TRIM37: variants seen among roughly 807,000 people sequenced by gnomAD.
TRIM37 encodes the protein tripartite motif containing 37.
Under a neutral mutation model 129.8 loss-of-function variants are expected in TRIM37, and 80 were observed. That is an observed-to-expected ratio of 0.62 (90% confidence interval 0.51 to 0.74). The LOEUF (loss-of-function observed/expected upper bound fraction) is 0.74, where lower values mean the gene tolerates loss of function less well. TRIM37 is among the 30% of genes least tolerant of loss of function. TRIM37 has a pLI of 0.00. For synonymous variants in TRIM37, 389 were observed against 387.1 expected (o/e 1.00, Z -0.06); for missense variants, 1,054 against 1,176.5 (o/e 0.90, Z 1.52).
chr17:58,972,355 CT>C, the TRIM37 span: 137,166 of 1,069,778 alleles, frequency 0.13, 141 homozygotes, highest in South Asian at 0.17. Flanking sequence ...GATTCACTTA[CT>C]TTTTTTTTTT....
At chr17:59,051,367 T>A in intron 13 of TRIM37, 39 bp from the exon 14 acceptor site, 1 of 1,391,710 alleles carries the variant, frequency 7.2e-7, no homozygotes, top group Non-Finnish European at 1.0e-6. Context: ...AAAATTCAAA[T>A]AGTAAAACAT....
At chr17:59,086,359 C>T (rs1339016877) in intron 4 of TRIM37, among the ~76,000 whole-genome samples, 1 of 151,986 alleles carries the variant, frequency 6.6e-6, no homozygotes, top group African/African-American at 2.4e-5. Flanking sequence ...CTGCCTCAGC[C>T]TCCCAAGTAG....
downstream of TRIM37, among the ~76,000 whole-genome samples, chr17:58,993,680 G>A (rs1026348307): frequency 6.6e-6 from 1 of 152,296 alleles, no homozygotes; most frequent in Non-Finnish European, 1.5e-5. Flanking sequence ...AATCTTGGGG[G>A]TGACTGAAAT....
chr17:59,002,869 C>T (rs971548576), intron 22 of TRIM37, among the ~76,000 whole-genome samples: 1 of 151,938 alleles, frequency 6.6e-6, no homozygotes, highest in Non-Finnish European at 1.5e-5. Flanking sequence ...AAAACTCCAC[C>T]CCCTGCATAA....
chr17:59,056,836 C>T lies in TRIM37; in HGVS notation c.1199+39G>A, dbSNP rs557368065. The T allele has an allele frequency of 1.9e-5, 29 of 1,504,962 alleles. No individual in the cohort carries two copies. In the East Asian group the frequency reaches 7.5e-4, roughly 39 times the overall value. The allele number at this position is 1,504,962 out of a possible 1,614,324, so 93.2% of individuals were successfully genotyped here. ...AATATAGTTCTGATGATATTATTTCCCCACAATAAAAACCACAACATCAAA... is the reference window on the plus strand; with the variant it reads ...AATATAGTTCTGATGATATTATTTCTCCACAATAAAAACCACAACATCAAA... On this transcript the variant is annotated intron_variant, in intron 13 of 23. Transcript: ENST00000262294.
intron 2 of TRIM37, among the ~76,000 whole-genome samples, chr17:59,098,527 C>T (rs1046805700): frequency 3.3e-5 from 5 of 151,760 alleles, no homozygotes; most frequent in African/African-American, 1.2e-4. Flanking sequence ...TAGCCAGGCA[C>T]GATGGCACAC....
intron 16 of TRIM37, among the ~76,000 whole-genome samples, chr17:59,042,641 T>C (rs1039607044): frequency 1.3e-5 from 2 of 150,636 alleles, no homozygotes; most frequent in African/African-American, 4.9e-5. Flanking sequence ...TGGGGACCTG[T>C]AATCCCAGCT....
intron 19 of TRIM37, among the ~76,000 whole-genome samples, chr17:59,018,884 T>C (rs538187925): frequency 1.3e-5 from 2 of 152,280 alleles, no homozygotes; most frequent in East Asian, 1.9e-4. Flanking sequence ...CATATACACA[T>C]ATATATCATC....
intron 24 of TRIM37, among the ~76,000 whole-genome samples, chr17:58,985,550 A>C (rs754588813): frequency 6.6e-6 from 1 of 152,192 alleles, no homozygotes; most frequent in Non-Finnish European, 1.5e-5. Context: ...TTTGAGTTTC[A>C]AGCTAGAAGA....
chr17:59,051,256 A>G lies in TRIM37; in HGVS notation c.1272T>C (p.Ala424=). Residue 424 remains alanine, a synonymous_variant, in exon 14 of 24, where the codon GCT becomes GCC. Transcript: ENST00000262294. ...TTTGTTGGATATAACTAGTCTGTGC[A>G]GCTTCCAACTGAGTAATGTACCAAT... The part of the protein sequence containing the change: ...DQHWYITQLE[A]AQTSYIQQIN... 1 of 1,613,944 alleles carries G rather than the reference A, an allele frequency of 6.2e-7. No homozygotes were observed. The highest frequency in any genetic ancestry group is 1.7e-4 in the Middle Eastern group (1 of 6,060).
At chr17:59,087,639 G>A (rs774803291) in intron 4 of TRIM37, among the ~76,000 whole-genome samples, 2 of 151,864 alleles carry the variant, frequency 1.3e-5, no homozygotes, top group Non-Finnish European at 2.9e-5. Flanking sequence ...TGAAGAAACA[G>A]ATAAATTTTT....
the TRIM37 span, among the ~76,000 whole-genome samples, chr17:58,967,263 A>G: frequency 1.3e-5 from 2 of 152,166 alleles, no homozygotes; most frequent in Non-Finnish European, 2.9e-5. Flanking sequence ...AGTCTTAGGC[A>G]TGTGTTTTGT....
chr17:59,066,690 T>C (rs984701021), intron 9 of TRIM37, among the ~76,000 whole-genome samples: 1 of 152,182 alleles, frequency 6.6e-6, no homozygotes, highest in African/African-American at 2.4e-5. Flanking sequence ...CTTTTACATA[T>C]GTACATTCTC....
At chr17:59,098,909 C>T (rs539549778) in intron 2 of TRIM37, among the ~76,000 whole-genome samples, 3 of 152,032 alleles carry the variant, frequency 2.0e-5, no homozygotes, top group East Asian at 1.9e-4. Context: ...ATAGGCTAGG[C>T]GCGGTGGCTC....
chr17:59,081,316 C>T (rs1388514939), intron 5 of TRIM37, 97 bp from the exon 6 acceptor site: 1 of 1,512,938 alleles, frequency 6.6e-7, no homozygotes. Flanking sequence ...ACTGGTAAAT[C>T]TCTCAAATGA....
intron 9 of TRIM37, among the ~76,000 whole-genome samples, chr17:59,068,580 A>G (rs1017216550): frequency 3.3e-5 from 5 of 152,234 alleles, no homozygotes; most frequent in Non-Finnish European, 7.3e-5. Flanking sequence ...ACATTCTTCA[A>G]CCAAATCTAC....
intron 19 of TRIM37, among the ~76,000 whole-genome samples, chr17:59,020,149 T>C (rs939848812): frequency 2.1e-5 from 3 of 140,642 alleles, no homozygotes; most frequent in African/African-American, 8.0e-5. Flanking sequence ...GAGAAGTGCT[T>C]GAGCCCAAGA....
chr17:58,987,572 G>A (rs2031935022), intron 24 of TRIM37, among the ~76,000 whole-genome samples: 1 of 152,190 alleles, frequency 6.6e-6, no homozygotes, highest in African/African-American at 2.4e-5. Context: ...TTGCTCTTAA[G>A]CATCCCTAAG....
chr17:59,106,356 G>A (rs2045992654), intron 1 of TRIM37, 85 bp downstream of exon 1: 43 of 1,549,702 alleles, frequency 2.8e-5, no homozygotes, highest in Non-Finnish European at 3.6e-5. Context: ...CCCTACTGGA[G>A]GGAGGACATG....
Sources: allele counts gnomAD v4.1 joint callset (sites outside exome capture counted in the v4.1 genomes callset), GRCh38; gene constraint gnomAD v4.1.1; transcripts MANE v1.5; gene names NCBI Gene and HGNC (gene_info 2026-07-23, HGNC 2026-07-21).